The following HSD17B12 variants were observed in gnomAD, a reference collection of about 807,000 sequenced individuals.
HSD17B12 encodes very-long-chain 3-oxoacyl-CoA reductase.
HSD17B12 carries 32 observed loss-of-function variants against 39.3 expected under a neutral mutation model. The ratio of observed to expected loss-of-function variants is 0.81; its 90% CI spans 0.61 to 1.09. The LOEUF is 1.09. HSD17B12 is among the 50% of genes least tolerant of loss of function. The pLI is 0.00. For missense variants in HSD17B12, 342 were observed against 382.9 expected (o/e 0.89, Z 0.89); for synonymous variants, 150 against 146.7 (o/e 1.02, Z -0.16).
upstream of HSD17B12, among the ~76,000 whole-genome samples, chr11:43,676,227 GTGTGTGTGTA>G (rs1949693525): frequency 1.3e-5 from 2 of 151,628 alleles, no homozygotes; most frequent in East Asian, 3.9e-4. Flanking sequence ...GTGTGTGTGT[GTGTGTGTGTA>G]TGTGTTAAGC....
At chr11:43,780,143 C>T (rs1158344938) in intron 3 of HSD17B12, among the ~76,000 whole-genome samples, 2 of 152,092 alleles carry the variant, frequency 1.3e-5, no homozygotes, top group Non-Finnish European at 2.9e-5. Context: ...CCCTGCTGCT[C>T]AGGATATCAT....
At chr11:43,782,994 A>G (rs1950780884) in intron 3 of HSD17B12, among the ~76,000 whole-genome samples, 1 of 152,184 alleles carries the variant, frequency 6.6e-6, no homozygotes, top group East Asian at 1.9e-4. Context: ...TCCTGAATCT[A>G]ATCATGAGGA....
intron 1 of HSD17B12, among the ~76,000 whole-genome samples, chr11:43,692,256 A>G (rs1210456811): frequency 4.6e-5 from 7 of 152,196 alleles, no homozygotes; most frequent in African/African-American, 1.2e-4. Context: ...ACTTTGCAAA[A>G]TAATTTGTGA....
intron 9 of HSD17B12, among the ~76,000 whole-genome samples, chr11:43,849,747 ATTTG>A (rs1363051405): frequency 1.3e-5 from 2 of 151,828 alleles, no homozygotes; most frequent in Non-Finnish European, 2.9e-5. Flanking sequence ...TTTAATTATT[ATTTG>A]TTTGTGGTCT....
upstream of HSD17B12, among the ~76,000 whole-genome samples, chr11:43,677,237 C>T (rs1346283601): frequency 6.6e-6 from 1 of 152,070 alleles, no homozygotes; most frequent in Non-Finnish European, 1.5e-5. Flanking sequence ...ATGAAGTTAG[C>T]TGCAAGGTAT....
the HSD17B12 span, among the ~76,000 whole-genome samples, chr11:43,632,864 G>A: frequency 6.6e-6 from 1 of 151,988 alleles, no homozygotes. Context: ...GAGTGGATGG[G>A]CATGCTTCAT....
the HSD17B12 span, among the ~76,000 whole-genome samples, chr11:43,600,119 T>C: frequency 2.0e-5 from 3 of 152,178 alleles, no homozygotes; most frequent in Non-Finnish European, 4.4e-5. Context: ...CATCACATTA[T>C]TTTGTTATTG....
chr11:43,787,099 G>A (rs558118605), intron 3 of HSD17B12, among the ~76,000 whole-genome samples: 12 of 152,144 alleles, frequency 7.9e-5, no homozygotes, highest in Non-Finnish European at 1.5e-4. Context: ...GTACCACCAT[G>A]TCAGGCTAAT....
At chr11:43,603,004 C>T in the HSD17B12 span, among the ~76,000 whole-genome samples, 1 of 152,094 alleles carries the variant, frequency 6.6e-6, no homozygotes, top group Non-Finnish European at 1.5e-5. Flanking sequence ...AGCTATTTTC[C>T]AGGCACAGGG....
chr11:43,598,758 G>T, the HSD17B12 span, among the ~76,000 whole-genome samples: 3 of 152,084 alleles, frequency 2.0e-5, no homozygotes, highest in Non-Finnish European at 4.4e-5. Context: ...TGCCTTCCAC[G>T]TCAGAGTGGG....
the HSD17B12 span, among the ~76,000 whole-genome samples, chr11:43,630,139 T>C: frequency 6.6e-6 from 1 of 152,148 alleles, no homozygotes; most frequent in African/African-American, 2.4e-5. Flanking sequence ...CCTTATACTA[T>C]TAAATGAGGT....
intron 3 of HSD17B12, among the ~76,000 whole-genome samples, chr11:43,789,781 A>T (rs1487929961): frequency 6.6e-6 from 1 of 152,008 alleles, no homozygotes; most frequent in African/African-American, 2.4e-5. Flanking sequence ...AAACCCCCAA[A>T]ATTAGATGGG....
In HSD17B12 at chr11:43,680,910, A is replaced by T. The variant is rs1719668444; in HGVS notation, c.83A>T (p.Tyr28Phe). 5.6e-6 allele frequency: 9 copies of T among 1,613,242 alleles called. No individual in the cohort carries two copies. Among genetic ancestry groups the T allele is most frequent in the African/African-American group, 1.3e-5 (1 of 74,680 alleles). ...GCCTACCTAGCCCTGCGTATTTCGT[A>T]CTCGCTCTTCACGGCCCTCCGGGTC... The part of the protein sequence containing the change: ...TVAYLALRIS[Y>F]SLFTALRVWG... The change falls in exon 1 of 11, where the codon TAC (tyrosine) becomes TTC (phenylalanine). Residue 28 changes from tyrosine to phenylalanine, a missense_variant. By Grantham distance (22) the Tyr-to-Phe change is conservative. Transcript: ENST00000278353.
At chr11:43,637,134 A>G in the HSD17B12 span, among the ~76,000 whole-genome samples, 1 of 152,138 alleles carries the variant, frequency 6.6e-6, no homozygotes, top group African/African-American at 2.4e-5. Flanking sequence ...CCTATCACCT[A>G]GAAAGCTCTC....
At chr11:43,713,590 C>T (rs959346753) in intron 1 of HSD17B12, among the ~76,000 whole-genome samples, 87 of 152,070 alleles carry the variant, frequency 5.7e-4, no homozygotes, top group African/African-American at 2.0e-3. Context: ...AGTAAACATA[C>T]GTGTGCATGT....
intron 1 of HSD17B12, among the ~76,000 whole-genome samples, chr11:43,745,330 T>G (rs1035463246): frequency 6.6e-6 from 1 of 152,248 alleles, no homozygotes; most frequent in African/African-American, 2.4e-5. Flanking sequence ...AATGTTTAGA[T>G]GCACAGTACT....
At chr11:43,621,006 A>T in the HSD17B12 span, among the ~76,000 whole-genome samples, 1 of 152,200 alleles carries the variant, frequency 6.6e-6, no homozygotes, top group African/African-American at 2.4e-5. Context: ...GCACAATATC[A>T]AGTTAATTTT....
the HSD17B12 span, among the ~76,000 whole-genome samples, chr11:43,647,169 T>G: frequency 6.6e-6 from 1 of 152,232 alleles, no homozygotes; most frequent in Non-Finnish European, 1.5e-5. Context: ...AGCCAAAATT[T>G]GGAGACTCCA....
intron 3 of HSD17B12, among the ~76,000 whole-genome samples, chr11:43,754,359 G>A (rs1052887428): frequency 1.3e-5 from 2 of 152,134 alleles, no homozygotes; most frequent in African/African-American, 2.4e-5. Flanking sequence ...GATTACCTGA[G>A]ATCAGGAGTT....
Sources: allele counts gnomAD v4.1 joint callset (sites outside exome capture counted in the v4.1 genomes callset), GRCh38; gene constraint gnomAD v4.1.1; transcripts MANE v1.5; gene names NCBI Gene and HGNC (gene_info 2026-07-23, HGNC 2026-07-21).